The following PARP4 variants were observed in gnomAD, a reference collection of about 807,000 sequenced individuals.
The protein encoded by PARP4 is poly(ADP-ribose) polymerase family member 4, also known as protein mono-ADP-ribosyltransferase PARP4.
PARP4 carries 120 observed loss-of-function variants against 187.7 expected under a neutral mutation model. The ratio of observed to expected loss-of-function variants is 0.64; its 90% CI spans 0.55 to 0.74. The LOEUF (loss-of-function observed/expected upper bound fraction) is 0.74, where lower values mean the gene tolerates loss of function less well. PARP4 is among the 30% of genes least tolerant of loss of function. The pLI is 0.00. For missense variants in PARP4, 1,836 were observed against 2,070.5 expected, an observed-to-expected ratio of 0.89 and a Z score of 2.20; for synonymous variants, 654 against 740.9, an observed-to-expected ratio of 0.88 and a Z score of 1.90.
intron 2 of PARP4, among the ~76,000 whole-genome samples, chr13:24,502,829 T>C (rs1478891490): frequency 2.0e-5 from 3 of 152,240 alleles, no homozygotes; most frequent in Non-Finnish European, 2.9e-5. Flanking sequence ...TCTACCTGAA[T>C]TGGAAGTAAA....
chr13:24,435,546 T>G, intron 30 of PARP4, 72 bp from the exon 31 acceptor site: 1 of 1,463,414 alleles, frequency 6.8e-7, no homozygotes. Context: ...CAAACATTCT[T>G]CCTAGCACTT....
At chr13:24,426,305 G>A (rs1272851111) in intron 33 of PARP4, among the ~76,000 whole-genome samples, 161 bp downstream of exon 33, 3 of 152,144 alleles carry the variant, frequency 2.0e-5, no homozygotes, top group Non-Finnish European at 4.4e-5. Flanking sequence ...AGCCCTGCCC[G>A]CCACAGGAGA....
At chr13:24,498,041 A>C in intron 6 of PARP4, 75 bp downstream of exon 6, 1 of 980,110 alleles carries the variant, frequency 1.0e-6, no homozygotes, top group Non-Finnish European at 1.6e-6. Flanking sequence ...AAAGGTTGGG[A>C]GGTCGGCTGA....
At position 24,486,087 on chromosome 13, in the gene PARP4, A is replaced by C. The variant is rs1171999268; in HGVS notation, c.1352+81T>G. On this transcript the variant is annotated intron_variant, in intron 11 of 33. Coordinates refer to ENST00000381989, the MANE Select transcript of PARP4 (RefSeq NM_006437.4). ...AACTGAAAAGACTCACGTAATATAG[A>C]AAAAAGTAGGAAAAAAAGAAGTAAA... 2.2e-6 allele frequency: 3 copies of C among 1,334,222 alleles called. No individual in the cohort carries two copies. The African/African-American group carries it at 4.4e-5, about 20-fold the overall frequency. The allele number at this position is 1,334,222 out of a possible 1,614,324, so 82.6% of individuals were successfully genotyped here. A position where few individuals can be genotyped will look rare whatever the true frequency, so the allele number is the denominator to read the frequency against.
rs1471176150 is a variant in PARP4, at chr13:24,434,440, C to T, written c.4701G>A (p.Trp1567Ter). 6.3e-7 allele frequency: 1 copy of T among 1,594,858 alleles called. No homozygotes were observed. The highest frequency in any genetic ancestry group is 8.6e-7 in the Non-Finnish European group (1 of 1,167,674). ...GTTCTGTCCAAGGCACAGCATCCTG[C>T]CAGTGTTGTATGCACACTATTTCAT... is the stretch of plus-strand genomic sequence containing the variant. ...EEDEIVCIQH[W>*]QDAVPWTELL... The change falls in exon 31 of 34, where the codon TGG becomes TGA. Residue 1567 changes from tryptophan to a stop codon, truncating the protein, a stop_gained. Transcript: ENST00000381989. LOFTEE classifies it high-confidence loss of function.
chr13:24,435,893 T>C (rs11839006), intron 30 of PARP4, among the ~76,000 whole-genome samples: 58,938 of 144,860 alleles, frequency 0.41, 11,915 homozygotes, highest in African/African-American at 0.47. Flanking sequence ...CTCCAGCCTG[T>C]GTGAGAGGGC....
At chr13:24,491,749 AGAG>A (rs1172756535) in intron 9 of PARP4, among the ~76,000 whole-genome samples, 1 of 151,586 alleles carries the variant, frequency 6.6e-6, no homozygotes, top group Non-Finnish European at 1.5e-5. Context: ...CTGGCAGCTC[AGAG>A]GAGATGGCCC....
chr13:24,423,266 G>A (rs1440602793), intron 33 of PARP4, among the ~76,000 whole-genome samples: 2 of 152,156 alleles, frequency 1.3e-5, no homozygotes, highest in Non-Finnish European at 2.9e-5. Flanking sequence ...AAATAGGCTA[G>A]TGTAGTGGCT....
rs1457436020 is a variant in PARP4 at position 24,437,783 on chromosome 13, GCT to G, written c.3667-2311_3667-2310del. 9.7e-5 allele frequency among the ~76,000 whole-genome samples: 14 copies of G among 144,536 alleles called. No individual in the cohort carries two copies. The Admixed American group carries it at 1.0e-3, about 10-fold the overall frequency. The allele number at this position is 144,536 out of a possible 152,430, so 94.8% of individuals were successfully genotyped here. The stretch of plus-strand genomic sequence containing the variant: ...GAGGCCAGGAGTTCAAAGCTGTAGT[GCT>G]CTGTGATAGAGCCTGTGAATAGTCA... On this transcript the variant is annotated intron_variant, in intron 30 of 33. Transcript: ENST00000381989.
chr13:24,478,731 G>C lies in PARP4; in HGVS notation c.1449-455C>G, dbSNP rs575207328. On this transcript the variant is annotated intron_variant, in intron 12 of 33. Coordinates refer to ENST00000381989, the MANE Select transcript of PARP4 (RefSeq NM_006437.4). ...TTACAGGCATGAGCAACCATGCCTG[G>C]CCTATTTCGCATTTCTATGTGACAA... Among the ~76,000 whole-genome samples the C allele has an allele frequency of 2.0e-5, 3 of 152,252 alleles. No homozygotes were observed. The East Asian group carries it at 5.8e-4, about 29-fold the overall frequency.
intron 27 of PARP4, among the ~76,000 whole-genome samples, chr13:24,446,038 C>T (rs1593599538): frequency 6.6e-6 from 1 of 152,294 alleles, no homozygotes; most frequent in African/African-American, 2.4e-5. Flanking sequence ...AATTCATTTG[C>T]TTTTAATCAA....
At chr13:24,440,889 T>C (rs533276158) in intron 30 of PARP4, among the ~76,000 whole-genome samples, 1 of 152,354 alleles carries the variant, frequency 6.6e-6, no homozygotes, top group Admixed American at 6.5e-5. Flanking sequence ...TTTTCTTATT[T>C]ATGATCAAAT....
Position 24,460,135 on chromosome 13 carries a change from T to A in PARP4, c.2135A>T (p.Asp712Val), listed in dbSNP as rs750935298. The A allele has an allele frequency of 6.2e-7, 1 of 1,611,680 alleles. No homozygotes were observed. Among genetic ancestry groups the A allele is most frequent in the South Asian group, 1.1e-5 (1 of 90,706 alleles). ...GAYLMSQDAP[D>V]VFTVSVGNLP... ...GTTTCCAACACTTACAGTAAAAACG[T>A]CCTGAAACAGAAACATATGACTTAG... The change falls in exon 18 of 34, where the codon GAC becomes GTC. Residue 712 changes from aspartate (D) to valine (V), a missense_variant and splice_region_variant. Physicochemically the swap from Asp to Val is radical, Grantham distance 152. This residue lies in a region of PARP4 where 1,147 missense variants were observed against 1,214.2 expected (regional missense o/e 0.94). Coordinates refer to ENST00000381989, the MANE Select transcript of PARP4 (RefSeq NM_006437.4).
intron 1 of PARP4, among the ~76,000 whole-genome samples, chr13:24,510,547 C>A (rs1869954864): frequency 1.5e-5 from 1 of 68,030 alleles, no homozygotes; most frequent in Non-Finnish European, 3.0e-5. Flanking sequence ...GAGCGAGACT[C>A]CGTCTCAAAA....
chr13:24,477,692 T>C lies in PARP4; in HGVS notation c.1789+9A>G, dbSNP rs1300047447. ...TAACATAAAACAGCATTCAAGAAAATTGTCCTACCTTCAACCTTTGAAAAA... is the reference window on the plus strand; with the variant it reads ...TAACATAAAACAGCATTCAAGAAAACTGTCCTACCTTCAACCTTTGAAAAA... On this transcript the variant is annotated intron_variant, in intron 14 of 33. Transcript: ENST00000381989. 20 of 1,485,992 alleles carry C rather than the reference T, an allele frequency of 1.3e-5. No homozygotes were observed. Among genetic ancestry groups the C allele is most frequent in the Non-Finnish European group, 1.8e-5 (20 of 1,085,240 alleles). The allele number at this position is 1,485,992 out of a possible 1,614,324, so 92.1% of individuals were successfully genotyped here. A position where few individuals can be genotyped will look rare whatever the true frequency, so the allele number is the denominator to read the frequency against.
chr13:24,445,498 A>G (rs1871165647), intron 27 of PARP4, among the ~76,000 whole-genome samples: 1 of 152,128 alleles, frequency 6.6e-6, no homozygotes, highest in Admixed American at 6.5e-5. Context: ...CCTGCATTAA[A>G]AACCCCACCT....
chr13:24,430,925 G>A (rs1228889024), intron 32 of PARP4, among the ~76,000 whole-genome samples: 2 of 152,170 alleles, frequency 1.3e-5, no homozygotes, highest in Non-Finnish European at 2.9e-5. Flanking sequence ...CTCTTGTCTA[G>A]CAGGGGGATG....
intron 1 of PARP4, among the ~76,000 whole-genome samples, chr13:24,506,587 C>A (rs1869698490): frequency 6.6e-6 from 1 of 152,184 alleles, no homozygotes; most frequent in South Asian, 2.1e-4. Context: ...TAGCTAGACA[C>A]AGAGCACTGA....
intron 12 of PARP4, among the ~76,000 whole-genome samples, chr13:24,480,711 T>G (rs1185168867): frequency 6.6e-6 from 1 of 152,200 alleles, no homozygotes; most frequent in Admixed American, 6.5e-5. Context: ...CTCTGTTCAA[T>G]TCTATGAAGG....
Sources: allele counts gnomAD v4.1 joint callset (sites outside exome capture counted in the v4.1 genomes callset), GRCh38; gene constraint gnomAD v4.1.1; regional missense constraint gnomAD v4.1.1; transcripts MANE v1.5; gene names NCBI Gene and HGNC (gene_info 2026-07-23, HGNC 2026-07-21).